AP3S1: variants seen among roughly 807,000 people sequenced by gnomAD.
AP3S1 encodes AP-3 complex subunit sigma-1.
Under a neutral mutation model 21.3 loss-of-function variants are expected in AP3S1, and 12 were observed. The ratio of observed to expected loss-of-function variants is 0.56; its 90% CI spans 0.36 to 0.91. The LOEUF is 0.91. AP3S1 is among the 40% of genes least tolerant of loss of function. The pLI, the probability that AP3S1 is intolerant of heterozygous loss-of-function variation, is 0.01. For missense variants in AP3S1, 116 were observed against 225.0 expected, an observed-to-expected ratio of 0.52 and a Z score of 3.10; for synonymous variants, 48 against 78.4, an observed-to-expected ratio of 0.61 and a Z score of 2.05.
At chr5:115,881,790 G>T (rs995280568) in intron 3 of AP3S1, among the ~76,000 whole-genome samples, 1 of 152,128 alleles carries the variant, frequency 6.6e-6, no homozygotes, top group African/African-American at 2.4e-5. Flanking sequence ...ATCCTGAAGG[G>T]TGTTTTCCAA....
At chr5:115,905,965 G>A (rs185077405) in intron 5 of AP3S1, among the ~76,000 whole-genome samples, 22 of 152,276 alleles carry the variant, frequency 1.4e-4, no homozygotes, top group Non-Finnish European at 2.5e-4. Context: ...AGACCAGCCT[G>A]GCAAATATGG....
chr5:115,899,819 A>C (rs953218746), intron 4 of AP3S1, among the ~76,000 whole-genome samples: 1 of 152,176 alleles, frequency 6.6e-6, no homozygotes, highest in Non-Finnish European at 1.5e-5. Context: ...TCTATTATAC[A>C]AGTACTTGGA....
chr5:115,880,788 T>C (rs1749207523), intron 3 of AP3S1, among the ~76,000 whole-genome samples: 1 of 152,184 alleles, frequency 6.6e-6, no homozygotes, highest in African/African-American at 2.4e-5. Flanking sequence ...CTGTCTAATA[T>C]TGACAATGGG....
At chr5:115,909,751 G>A (rs768187130) in intron 5 of AP3S1, among the ~76,000 whole-genome samples, 1 of 151,938 alleles carries the variant, frequency 6.6e-6, no homozygotes, top group Admixed American at 6.6e-5. Context: ...TTACTTTTAC[G>A]TTTAAAAATG....
intron 1 of AP3S1, among the ~76,000 whole-genome samples, chr5:115,853,922 G>A (rs1380571897): frequency 6.6e-6 from 1 of 152,074 alleles, no homozygotes; most frequent in South Asian, 2.1e-4. Flanking sequence ...ATGTGTCTTT[G>A]TTCATTTTTT....
chr5:115,890,800 T>C (rs1014762094), intron 3 of AP3S1, among the ~76,000 whole-genome samples: 11 of 152,078 alleles, frequency 7.2e-5, no homozygotes, highest in Non-Finnish European at 1.2e-4. Context: ...TTGAGTTGTT[T>C]CCGGAGCTCT....
At chr5:115,887,218 G>T (rs940253524) in intron 3 of AP3S1, among the ~76,000 whole-genome samples, 1 of 152,046 alleles carries the variant, frequency 6.6e-6, no homozygotes, top group East Asian at 1.9e-4. Flanking sequence ...TTATTGGTTT[G>T]AGTTAAACCA....
At chr5:115,909,326 C>T (rs1252476516) in intron 5 of AP3S1, among the ~76,000 whole-genome samples, 1 of 152,154 alleles carries the variant, frequency 6.6e-6, no homozygotes, top group African/African-American at 2.4e-5. Context: ...AAATCAAAAA[C>T]AAATCATATC....
Position 115,855,658 on chromosome 5 carries a change from T to C in AP3S1, c.70-11012T>C, listed in dbSNP as rs541512218. On this transcript the variant is annotated intron_variant, in intron 1 of 5. Coordinates refer to ENST00000316788, the MANE Select transcript of AP3S1 (RefSeq NM_001284.4). Reference sequence around the variant, plus strand: ...CCCAGTTGATTATGAGGAATTCGGTTTCTTTTTTTGAAATATAAAAAAGGC... The same window carrying C: ...CCCAGTTGATTATGAGGAATTCGGTCTCTTTTTTTGAAATATAAAAAAGGC... Among the ~76,000 whole-genome samples the C allele has an allele frequency of 3.3e-5, 5 of 152,300 alleles. No homozygotes were observed. The South Asian group carries it at 1.0e-3, about 32-fold the overall frequency.
At chr5:115,902,260 C>A (rs141683565) in intron 4 of AP3S1, among the ~76,000 whole-genome samples, 47 of 152,264 alleles carry the variant, frequency 3.1e-4, no homozygotes, top group African/African-American at 1.1e-3. Context: ...TATGAAAAGA[C>A]AGAAGTTATA....
At chr5:115,843,971 C>T (rs1437302049) in intron 1 of AP3S1, among the ~76,000 whole-genome samples, 1 of 152,158 alleles carries the variant, frequency 6.6e-6, no homozygotes, top group Non-Finnish European at 1.5e-5. Flanking sequence ...GACAGTGCCA[C>T]TGAGGGCACA....
chr5:115,907,775 C>T (rs1468281838), intron 5 of AP3S1, among the ~76,000 whole-genome samples: 3 of 152,028 alleles, frequency 2.0e-5, no homozygotes, highest in Non-Finnish European at 4.4e-5. Flanking sequence ...CTGATATTTC[C>T]TGTACGTTTT....
chr5:115,907,116 T>A (rs1751715847), intron 5 of AP3S1: 3 of 605,158 alleles, frequency 5.0e-6, no homozygotes, highest in Non-Finnish European at 6.2e-6. Flanking sequence ...AAAGTTTAAA[T>A]TTTTTTTAAA....
chr5:115,892,443 A>T (rs1406565786), intron 3 of AP3S1, among the ~76,000 whole-genome samples: 1 of 152,236 alleles, frequency 6.6e-6, no homozygotes, highest in African/African-American at 2.4e-5. Flanking sequence ...GATAAAGAAA[A>T]TGTGGTACAT....
chr5:115,904,444 C>T (rs1420336691), intron 5 of AP3S1, among the ~76,000 whole-genome samples: 1 of 152,156 alleles, frequency 6.6e-6, no homozygotes, highest in Non-Finnish European at 1.5e-5. Flanking sequence ...AAAACATTTT[C>T]CAGTGTTCTC....
intron 2 of AP3S1, among the ~76,000 whole-genome samples, chr5:115,868,323 TA>T (rs1747879264): frequency 6.6e-6 from 1 of 152,104 alleles, no homozygotes; most frequent in Admixed American, 6.6e-5. Flanking sequence ...CAGAATGGAG[TA>T]AAGCCTCCTA....
At chr5:115,888,591 G>A (rs1219974941) in intron 3 of AP3S1, among the ~76,000 whole-genome samples, 1 of 151,960 alleles carries the variant, frequency 6.6e-6, no homozygotes, top group Non-Finnish European at 1.5e-5. Context: ...CAGTTATAAT[G>A]ACATTTTGTT....
intron 1 of AP3S1, among the ~76,000 whole-genome samples, chr5:115,846,992 G>C (rs1762112564): frequency 6.6e-6 from 1 of 152,122 alleles, no homozygotes; most frequent in African/African-American, 2.4e-5. Context: ...TGACTTTATT[G>C]TAGATCCAAT....
At chr5:115,852,614 A>G (rs1444732306) in intron 1 of AP3S1, among the ~76,000 whole-genome samples, 1 of 152,030 alleles carries the variant, frequency 6.6e-6, no homozygotes, top group Non-Finnish European at 1.5e-5. Flanking sequence ...ATTAGCAGTC[A>G]CTTTTCAATC....
Sources: gnomAD v4.1 joint callset for allele counts (sites outside exome capture counted in the v4.1 genomes callset) on GRCh38, gnomAD v4.1.1 for gene constraint, MANE v1.5 for transcripts, NCBI Gene and HGNC (gene_info 2026-07-23, HGNC 2026-07-21) for gene names.